DPYSL2: variants seen among roughly 807,000 people sequenced by gnomAD.
The protein encoded by DPYSL2 is dihydropyrimidinase like 2, also known as dihydropyrimidinase-related protein 2.
DPYSL2 carries 13 observed loss-of-function variants against 69.9 expected under a neutral mutation model. That is an observed-to-expected ratio of 0.19 (90% CI 0.12 to 0.30). The LOEUF (loss-of-function observed/expected upper bound fraction) is 0.30. DPYSL2 is among the 10% of genes least tolerant of loss of function. The probability of loss-of-function intolerance (pLI) is 1.00; values close to 1 mark genes in which losing one functional copy is unlikely to be tolerated. For missense variants in DPYSL2, 587 were observed against 918.9 expected, an observed-to-expected ratio of 0.64 and a Z score of 4.67; for synonymous variants, 326 against 359.1, an observed-to-expected ratio of 0.91 and a Z score of 1.04.
intron 1 of DPYSL2, among the ~76,000 whole-genome samples, chr8:26,561,515 C>G (rs570663610): frequency 6.6e-5 from 10 of 152,212 alleles, no homozygotes; most frequent in African/African-American, 2.2e-4. Context: ...AACCATCCCC[C>G]TAACCGAGTG....
rs894696113 is a variant in DPYSL2, at chr8:26,647,512, C to G, written c.1426-118C>G. The G allele has an allele frequency of 9.0e-7, 1 of 1,114,534 alleles. No individual in the cohort carries two copies. Among genetic ancestry groups the G allele is most frequent in the African/African-American group, 1.6e-5 (1 of 63,482 alleles). 69.0% of individuals were successfully genotyped at this position (1,114,534 alleles called of 1,614,324 possible). A position where few individuals can be genotyped will look rare whatever the true frequency, so the allele number is the denominator to read the frequency against. On this transcript the variant is annotated intron_variant, in intron 10 of 13. Transcript: ENST00000521913. The surrounding 1 kb of genome is among the most constrained non-coding windows in gnomAD (Gnocchi z 5.1). ...GAGACGGTTTGTGTTTCACTTGGCA[C>G]AACGCTCTTGACATCCATCTAAGCT...
chr8:26,586,187 G>C lies in DPYSL2; in HGVS notation c.628+2204G>C, dbSNP rs1053972492. 1.3e-5 allele frequency among the ~76,000 whole-genome samples: 2 copies of C among 152,212 alleles called. No individual in the cohort carries two copies. Among genetic ancestry groups the C allele is most frequent in the African/African-American group, 4.8e-5 (2 of 41,448 alleles). ...GGGAAATGCCCCCAGCCAGGAGTTA[G>C]GAGTCTGGAGTGCTGGCCCCCTTCT... On this transcript the variant is annotated intron_variant, in intron 3 of 13. Coordinates refer to ENST00000521913, the MANE Select transcript of DPYSL2 (RefSeq NM_001197293.3). This position sits in a 1 kb window ranked among gnomAD's most constrained non-coding sequence, Gnocchi z 4.7.
intron 1 of DPYSL2, chr8:26,577,788 C>T: frequency 1.0e-6 from 1 of 992,740 alleles, no homozygotes; most frequent in South Asian, 4.4e-5. Flanking sequence ...ATTTCGCGCT[C>T]TCGCGCCGCG....
intron 3 of DPYSL2, among the ~76,000 whole-genome samples, chr8:26,613,142 G>A (rs1003383224): frequency 9.9e-5 from 15 of 152,232 alleles, no homozygotes; most frequent in African/African-American, 3.6e-4. Flanking sequence ...TCCCTGAGGT[G>A]GGGAGCTAGG....
chr8:26,630,721 C>G (rs534869744), intron 7 of DPYSL2, among the ~76,000 whole-genome samples: 1 of 152,296 alleles, frequency 6.6e-6, no homozygotes, highest in African/African-American at 2.4e-5. Context: ...CCTTGGTTAT[C>G]TCTCTTTAGA....
At chr8:26,608,958 G>T (rs111594435) in intron 3 of DPYSL2, among the ~76,000 whole-genome samples, 111 of 152,290 alleles carry the variant, frequency 7.3e-4, no homozygotes, top group African/African-American at 2.5e-3. Flanking sequence ...ATAGAGACCC[G>T]ACTCCTCACT....
intron 1 of DPYSL2, among the ~76,000 whole-genome samples, chr8:26,557,112 A>G (rs1468438612): frequency 6.6e-6 from 1 of 152,220 alleles, no homozygotes; most frequent in Non-Finnish European, 1.5e-5. Flanking sequence ...ATGGAAATCT[A>G]TAAAACTCCT....
At chr8:26,584,105 T>G in intron 3 of DPYSL2, 122 bp downstream of exon 3, 3 of 935,416 alleles carry the variant, frequency 3.2e-6, no homozygotes, top group Non-Finnish European at 4.8e-6. Flanking sequence ...ATCTACCAAA[T>G]AAGGGGGTGA....
In DPYSL2 at chr8:26,657,686, A is replaced by G. The variant is rs959362084; in HGVS notation, c.*1980A>G. The G allele has an allele frequency of 1.3e-5, 2 of 152,590 alleles. No individual in the cohort carries two copies. Among genetic ancestry groups the G allele is most frequent in the Non-Finnish European group, 2.9e-5 (2 of 68,036 alleles). 9.5% of individuals were successfully genotyped at this position (152,590 alleles called of 1,614,324 possible). Reference sequence around the variant, plus strand: ...ACAATTTTTGTTTCAATTCTAAGAAACACTTGCAGCTCTAGTATTCACTTG... The same window carrying G: ...ACAATTTTTGTTTCAATTCTAAGAAGCACTTGCAGCTCTAGTATTCACTTG... On this transcript the variant is annotated 3_prime_UTR_variant, in exon 14 of 14. Transcript: ENST00000521913.
chr8:26,549,196 TAA>T (rs1402559306), intron 1 of DPYSL2, among the ~76,000 whole-genome samples: 1 of 90,118 alleles, frequency 1.1e-5, no homozygotes, highest in Non-Finnish European at 2.5e-5. Context: ...TCAAAAAAAT[TAA>T]GTTAATAATA....
chr8:26,626,460 CCTCT>C lies in DPYSL2; in HGVS notation c.794-152_794-149del, dbSNP rs750684462. On this transcript the variant is annotated intron_variant, in intron 4 of 13. Transcript: ENST00000521913. This position sits in a 1 kb window ranked among gnomAD's most constrained non-coding sequence, Gnocchi z 4.3. The stretch of plus-strand genomic sequence containing the variant: ...TACCATTCTGTGTCTCCATTTCTCT[CCTCT>C]CTCTTTCTCTGTACTGAAACACACA... Among the ~76,000 whole-genome samples, 3 of 149,780 alleles carry C rather than the reference CCTCT, an allele frequency of 2.0e-5. No individual in the cohort carries two copies. The highest frequency in any genetic ancestry group is 4.2e-4 in the South Asian group (2 of 4,720).
At chr8:26,615,538 C>CTGAG (rs10691983) in intron 3 of DPYSL2, among the ~76,000 whole-genome samples, 10,151 of 152,052 alleles carry the variant, frequency 0.067, 382 homozygotes, top group African/African-American at 0.093. Flanking sequence ...AGTTCCATGA[C>CTGAG]TCCCTTGGAG....
rs62491954 is a variant in DPYSL2 at position 26,609,361 on chromosome 8, G to A, written c.629-14782G>A. Among the ~76,000 whole-genome samples, 2,043 of 152,260 alleles carry A rather than the reference G, an allele frequency of 0.013. 25 individuals carry two copies. The highest frequency in any genetic ancestry group is 0.068 in the Middle Eastern group (20 of 294). Reference sequence around the variant, plus strand: ...TTTTGGGGCGCATTTAGTTCTGCACGTTGTGTATGTAAGTAGATGTTCTTC... The same window carrying A: ...TTTTGGGGCGCATTTAGTTCTGCACATTGTGTATGTAAGTAGATGTTCTTC... On this transcript the variant is annotated intron_variant, in intron 3 of 13. Transcript: ENST00000521913. This position sits in a 1 kb window ranked among gnomAD's most constrained non-coding sequence, Gnocchi z 6.5.
chr8:26,604,769 C>T (rs570510066), intron 3 of DPYSL2, among the ~76,000 whole-genome samples: 5 of 152,048 alleles, frequency 3.3e-5, no homozygotes, highest in African/African-American at 1.2e-4. Flanking sequence ...TCAAGTGATT[C>T]TCCTGCCTCA....
At chr8:26,543,214 T>C (rs1800712669) in intron 1 of DPYSL2, among the ~76,000 whole-genome samples, 1 of 152,188 alleles carries the variant, frequency 6.6e-6, no homozygotes. Flanking sequence ...ATTCAAATGT[T>C]AGCAAGGAGG....
chr8:26,549,066 G>A (rs1800830194), intron 1 of DPYSL2, among the ~76,000 whole-genome samples: 1 of 151,862 alleles, frequency 6.6e-6, no homozygotes, highest in Non-Finnish European at 1.5e-5. Context: ...GCAGGTGCCT[G>A]TAATCCCAGT....
chr8:26,627,103 C>T lies in DPYSL2; in HGVS notation c.856-112C>T, dbSNP rs1802636538. ...AAAAAAAGTCAGGCTAATAGAATCGCCTAGGTGTCCTGTTTCTCATCCCAG... is the reference window on the plus strand; with the variant it reads ...AAAAAAAGTCAGGCTAATAGAATCGTCTAGGTGTCCTGTTTCTCATCCCAG... On this transcript the variant is annotated intron_variant, in intron 5 of 13. Coordinates refer to ENST00000521913, the MANE Select transcript of DPYSL2 (RefSeq NM_001197293.3). The surrounding 1 kb of genome is among the most constrained non-coding windows in gnomAD (Gnocchi z 6.9). The T allele has an allele frequency of 1.0e-6, 1 of 974,962 alleles. No individual in the cohort carries two copies. The highest frequency in any genetic ancestry group is 1.6e-6 in the Non-Finnish European group (1 of 620,520). 60.4% of individuals were successfully genotyped at this position (974,962 alleles called of 1,614,324 possible).
intron 1 of DPYSL2, among the ~76,000 whole-genome samples, chr8:26,535,132 A>G (rs765767333): frequency 2.6e-5 from 4 of 152,218 alleles, no homozygotes; most frequent in African/African-American, 7.2e-5. Context: ...GGGTGCCAGC[A>G]TGATTGGGTT....
intron 1 of DPYSL2, among the ~76,000 whole-genome samples, chr8:26,542,755 G>A (rs1268063165): frequency 1.3e-5 from 2 of 152,082 alleles, no homozygotes; most frequent in African/African-American, 4.8e-5. Flanking sequence ...GTTAATACAT[G>A]CATTATAGGA....
Sources: gnomAD v4.1 joint callset for allele counts (sites outside exome capture counted in the v4.1 genomes callset) on GRCh38, gnomAD v4.1.1 for gene constraint, Gnocchi (gnomAD v3.1) non-coding constraint, MANE v1.5 for transcripts, NCBI Gene and HGNC (gene_info 2026-07-23, HGNC 2026-07-21) for gene names.